The following CTNNA3 variants were observed in gnomAD, a reference collection of about 807,000 sequenced individuals.
CTNNA3 encodes the protein catenin alpha-3.
CTNNA3 carries 76 observed loss-of-function variants against 95.7 expected under a neutral mutation model. The observed-to-expected ratio is 0.79, with a 90% CI of 0.66 to 0.96. The LOEUF (loss-of-function observed/expected upper bound fraction) is 0.96. Ranked by LOEUF, CTNNA3 falls within the 40% of genes least tolerant of loss-of-function variation. The probability of loss-of-function intolerance (pLI) is 0.00; values close to 1 mark genes in which losing one functional copy is unlikely to be tolerated. For missense variants in CTNNA3, 1,191 were observed against 1,089.8 expected, an observed-to-expected ratio of 1.09 and a Z score of -1.31; for synonymous variants, 431 against 374.4, an observed-to-expected ratio of 1.15 and a Z score of -1.74.
intron 7 of CTNNA3, among the ~76,000 whole-genome samples, chr10:67,125,483 TCC>T (rs1406609332): frequency 6.6e-6 from 1 of 152,166 alleles, no homozygotes; most frequent in Non-Finnish European, 1.5e-5. Context: ...TAAAAGTGTA[TCC>T]TAGAATAAAT....
intron 10 of CTNNA3, among the ~76,000 whole-genome samples, chr10:66,580,609 A>G (rs1339825213): frequency 6.6e-6 from 1 of 151,806 alleles, no homozygotes; most frequent in Admixed American, 6.6e-5. Flanking sequence ...GGTTCTTGAT[A>G]TGACAAGTGA....
intron 7 of CTNNA3, among the ~76,000 whole-genome samples, chr10:66,834,234 A>T (rs1335875366): frequency 6.6e-6 from 1 of 152,182 alleles, no homozygotes; most frequent in African/African-American, 2.4e-5. Flanking sequence ...GTAGATAATC[A>T]GATGCTGTTT....
At chr10:66,774,903 A>T (rs927396916) in intron 8 of CTNNA3, among the ~76,000 whole-genome samples, 3 of 152,232 alleles carry the variant, frequency 2.0e-5, no homozygotes, top group African/African-American at 7.2e-5. Context: ...AAGGTTAAAA[A>T]GAAGGCTTAA....
intron 15 of CTNNA3, among the ~76,000 whole-genome samples, chr10:66,067,165 T>C (rs2080330512): frequency 6.6e-6 from 1 of 152,104 alleles, no homozygotes; most frequent in Non-Finnish European, 1.5e-5. Flanking sequence ...GAACCCCTTT[T>C]CCCCAAAGCT....
intron 11 of CTNNA3, among the ~76,000 whole-genome samples, chr10:66,442,754 G>A (rs1386451608): frequency 1.3e-5 from 2 of 152,194 alleles, no homozygotes; most frequent in Non-Finnish European, 2.9e-5. Flanking sequence ...GGTGATTTCT[G>A]CATTTCCATC....
intron 9 of CTNNA3, among the ~76,000 whole-genome samples, chr10:66,691,499 G>T (rs1460956467): frequency 6.6e-6 from 1 of 152,202 alleles, no homozygotes; most frequent in Non-Finnish European, 1.5e-5. Flanking sequence ...AAGGAGGCCT[G>T]CCTGCCTCTG....
chr10:67,757,175 C>T (rs559780848), intron 1 of CTNNA3, among the ~76,000 whole-genome samples: 7 of 152,264 alleles, frequency 4.6e-5, no homozygotes, highest in African/African-American at 1.7e-4. Context: ...AAACTGAATG[C>T]CTTAGTTATC....
chr10:66,880,382 A>C (rs187809582), intron 7 of CTNNA3, among the ~76,000 whole-genome samples: 1 of 152,226 alleles, frequency 6.6e-6, no homozygotes, highest in East Asian at 1.9e-4. Context: ...TCACTGCATA[A>C]AGAGAGCTAC....
chr10:66,685,299 G>GTA (rs1589122157), intron 9 of CTNNA3, among the ~76,000 whole-genome samples: 1 of 81,210 alleles, frequency 1.2e-5, no homozygotes, highest in Non-Finnish European at 2.2e-5. Flanking sequence ...ATATATGTGT[G>GTA]TATATATATG....
intron 13 of CTNNA3, among the ~76,000 whole-genome samples, chr10:66,153,320 A>AT (rs2084303800): frequency 1.3e-5 from 2 of 151,622 alleles, no homozygotes; most frequent in Non-Finnish European, 2.9e-5. Flanking sequence ...TTAATCATAT[A>AT]TTTTTTCTTT....
rs563467816 is a variant in CTNNA3, at chr10:67,171,953, T to C, written c.1047+8364A>G. Among the ~76,000 whole-genome samples the C allele has an allele frequency of 3.2e-4, 48 of 152,232 alleles. 1 individual carries two copies. The highest frequency in any genetic ancestry group is 6.8e-3 in the Middle Eastern group (2 of 294). On this transcript the variant is annotated intron_variant, in intron 7 of 17. Transcript: ENST00000433211. ...TTATCAAATATTTAAAAGAAACACA[T>C]TTGCAAACTAATGGCCAGTACTTAG...
intron 10 of CTNNA3, among the ~76,000 whole-genome samples, chr10:66,584,653 A>G (rs1019302318): frequency 6.6e-6 from 1 of 151,970 alleles, no homozygotes; most frequent in Admixed American, 6.6e-5. Context: ...GTCAGTGTGC[A>G]TCTTTTTAAA....
At chr10:67,266,210 A>T (rs1250130295) in intron 5 of CTNNA3, among the ~76,000 whole-genome samples, 1 of 152,218 alleles carries the variant, frequency 6.6e-6, no homozygotes, top group Non-Finnish European at 1.5e-5. Flanking sequence ...ACAGAAAATG[A>T]AAAAGCAAAA....
chr10:67,628,861 CT>C lies in CTNNA3; in HGVS notation c.99+18553del, dbSNP rs904916243. On this transcript the variant is annotated intron_variant, in intron 2 of 17. Coordinates refer to ENST00000433211, the MANE Select transcript of CTNNA3 (RefSeq NM_013266.4). ...CACAGTTAATTGTTTTATTCTGATG[CT>C]TTTTTTTTCTTGAAAGCTCTTCCCA... is the stretch of plus-strand genomic sequence containing the variant. Among the ~76,000 whole-genome samples the C allele has an allele frequency of 2.6e-5, 4 of 151,062 alleles. No homozygotes were observed. The East Asian group carries it at 5.8e-4, about 22-fold the overall frequency.
At chr10:66,425,413 T>C (rs751965032) in intron 11 of CTNNA3, among the ~76,000 whole-genome samples, 1 of 125,694 alleles carries the variant, frequency 8.0e-6, no homozygotes, top group Non-Finnish European at 1.7e-5. Context: ...GAGGATCTTA[T>C]TTCTTGCTTT....
intron 7 of CTNNA3, among the ~76,000 whole-genome samples, chr10:67,030,096 C>T (rs1853626619): frequency 1.3e-5 from 2 of 152,148 alleles, no homozygotes; most frequent in South Asian, 4.1e-4. Context: ...GTATTTTAAT[C>T]ATCAAAATAA....
At chr10:66,581,978 T>A (rs1219795850) in intron 10 of CTNNA3, among the ~76,000 whole-genome samples, 1 of 151,832 alleles carries the variant, frequency 6.6e-6, no homozygotes, top group Non-Finnish European at 1.5e-5. Context: ...TTGGCTTTAT[T>A]TCTGAGATCT....
At chr10:67,428,719 C>A (rs1355943818) in intron 5 of CTNNA3, among the ~76,000 whole-genome samples, 1 of 151,948 alleles carries the variant, frequency 6.6e-6, no homozygotes, top group African/African-American at 2.4e-5. Context: ...GCAGATCCAC[C>A]TTTAATCTGG....
intron 13 of CTNNA3, among the ~76,000 whole-genome samples, chr10:66,106,703 CTCA>C (rs1318651262): frequency 6.6e-6 from 1 of 152,032 alleles, no homozygotes; most frequent in Non-Finnish European, 1.5e-5. Flanking sequence ...TACCTTATAC[CTCA>C]TCCCAATATA....
Sources: gnomAD v4.1 joint callset for allele counts (sites outside exome capture counted in the v4.1 genomes callset) on GRCh38, gnomAD v4.1.1 for gene constraint, MANE v1.5 for transcripts, NCBI Gene and HGNC (gene_info 2026-07-23, HGNC 2026-07-21) for gene names.